The following HSPA12A variants were observed in gnomAD, a reference collection of about 807,000 sequenced individuals.
HSPA12A encodes the protein heat shock protein family A (Hsp70) member 12A.
Under a neutral mutation model 69.2 loss-of-function variants are expected in HSPA12A, and 28 were observed. The ratio of observed to expected loss-of-function variants is 0.40; its 90% CI spans 0.30 to 0.55. The LOEUF is 0.55. HSPA12A is among the 20% of genes least tolerant of loss of function. HSPA12A has a pLI of 0.38. For missense variants in HSPA12A, 686 were observed against 900.7 expected (o/e 0.76, Z 3.05); for synonymous variants, 345 against 370.5 (o/e 0.93, Z 0.79).
chr10:116,843,137 G>C (rs1250749394), intron 1 of HSPA12A, among the ~76,000 whole-genome samples: 1 of 152,136 alleles, frequency 6.6e-6, no homozygotes, highest in Non-Finnish European at 1.5e-5. Flanking sequence ...TGCCAGCTTT[G>C]AACACTCACA....
At chr10:116,815,892 G>A (rs929404942) in intron 2 of HSPA12A, among the ~76,000 whole-genome samples, 3 of 152,196 alleles carry the variant, frequency 2.0e-5, no homozygotes, top group Non-Finnish European at 4.4e-5. Flanking sequence ...CAGGGAATTC[G>A]TGTTTCTGCT....
chr10:116,796,995 G>GC (rs1186111018), intron 2 of HSPA12A, among the ~76,000 whole-genome samples: 2 of 152,118 alleles, frequency 1.3e-5, no homozygotes, highest in African/African-American at 2.4e-5. Context: ...GATTATTGCT[G>GC]CCCCCGGGAA....
chr10:116,762,843 T>G (rs1287483181), intron 2 of HSPA12A, among the ~76,000 whole-genome samples: 1 of 152,212 alleles, frequency 6.6e-6, no homozygotes, highest in East Asian at 1.9e-4. Context: ...TCCAGAGTGC[T>G]GGGATTACAG....
intron 5 of HSPA12A, among the ~76,000 whole-genome samples, chr10:116,696,760 G>A (rs543843353): frequency 6.7e-4 from 102 of 152,236 alleles, no homozygotes; most frequent in Non-Finnish European, 1.1e-3. Context: ...ACGGCATCCT[G>A]GCTTTATCCC....
chr10:116,771,068 C>T (rs1844195726), intron 2 of HSPA12A, among the ~76,000 whole-genome samples: 1 of 151,912 alleles, frequency 6.6e-6, no homozygotes, highest in South Asian at 2.1e-4. Flanking sequence ...CAAGTGTGCT[C>T]AAGGGGCCTC....
intron 2 of HSPA12A, among the ~76,000 whole-genome samples, chr10:116,805,584 C>CG (rs1215298937): frequency 3.3e-5 from 5 of 151,856 alleles, no homozygotes; most frequent in South Asian, 4.2e-4. Context: ...TGATGTTGGG[C>CG]GGGGGGGTAC....
At chr10:116,822,131 G>C (rs1437509207) in intron 2 of HSPA12A, among the ~76,000 whole-genome samples, 1 of 152,236 alleles carries the variant, frequency 6.6e-6, no homozygotes, top group African/African-American at 2.4e-5. Context: ...GACATGGGAT[G>C]TGGATAACTG....
intron 2 of HSPA12A, among the ~76,000 whole-genome samples, chr10:116,770,059 T>C (rs1190949353): frequency 1.3e-5 from 2 of 151,936 alleles, no homozygotes; most frequent in Non-Finnish European, 2.9e-5. Flanking sequence ...AAGGAGAGAG[T>C]TTGTCCTTGG....
rs1554880298 is a variant in HSPA12A, at chr10:116,692,607, C to T, written c.547-140G>A. 5 of 672,262 alleles carry T rather than the reference C, an allele frequency of 7.4e-6. No homozygotes were observed. In the African/African-American group the frequency reaches 9.0e-5, roughly 12 times the overall value. The allele number at this position is 672,262 out of a possible 1,614,324, so 41.6% of individuals were successfully genotyped here. A position where few individuals can be genotyped will look rare whatever the true frequency, so the allele number is the denominator to read the frequency against. On this transcript the variant is annotated intron_variant, in intron 5 of 11. Transcript: ENST00000369209. ...CAGGGTCCCCCAAACTTACCAGCATCAGAGAGCAAAGATCTGTTTCCTGAA... is the reference window on the plus strand; with the variant it reads ...CAGGGTCCCCCAAACTTACCAGCATTAGAGAGCAAAGATCTGTTTCCTGAA...
In HSPA12A at chr10:116,683,804, A is replaced by G. The variant is rs200396979; in HGVS notation, c.822T>C (p.Ala274=). The G allele has an allele frequency of 1.3e-6, 2 of 1,563,346 alleles. No individual in the cohort carries two copies. Among genetic ancestry groups the G allele is most frequent in the Non-Finnish European group, 8.8e-7 (1 of 1,141,602 alleles). Residue 274 remains alanine (A), a synonymous_variant, in exon 7 of 12, where the codon GCT becomes GCC. Coordinates refer to ENST00000369209, the MANE Select transcript of HSPA12A (RefSeq NM_025015.3). ...NGYSGSDTVG[A]GFTQAKEHIR... ...GAGCAGAGGTACCCTGTGTAAACCC[A>G]GCTCCTACTGTGTCACTGCCGCTGT...
At chr10:116,719,324 T>G (rs1850703413) in intron 1 of HSPA12A, among the ~76,000 whole-genome samples, 1 of 152,106 alleles carries the variant, frequency 6.6e-6, no homozygotes. Flanking sequence ...GCCTTTTAAG[T>G]GAGTACCCTG....
At position 116,777,558 on chromosome 10, in the gene HSPA12A, T is replaced by G. The variant is rs1225414728; in HGVS notation, c.91+57377A>C. 1.1e-4 allele frequency among the ~76,000 whole-genome samples: 16 copies of G among 152,218 alleles called. No individual in the cohort carries two copies. In the East Asian group the frequency reaches 2.3e-3, roughly 22 times the overall value. ...GGGACATGTGTGGACTTCCCAGGTG[T>G]ACATATCCCCACCATGGCTGATTTT... On this transcript the variant is annotated intron_variant, in intron 2 of 12. Coordinates refer to the HSPA12A transcript ENST00000635765.
intron 1 of HSPA12A, among the ~76,000 whole-genome samples, chr10:116,712,210 A>C (rs1850456691): frequency 6.6e-6 from 1 of 152,196 alleles, no homozygotes; most frequent in African/African-American, 2.4e-5. Flanking sequence ...AATCTTTTTT[A>C]ACTTTAGTGA....
chr10:116,850,208 C>CAGTTAATA (rs1329676217), upstream of HSPA12A: 2 of 226,794 alleles, frequency 8.8e-6, no homozygotes, highest in African/African-American at 4.7e-5. Context: ...ATCCTACTGG[C>CAGTTAATA]TCCTCTGCCG....
At chr10:116,712,313 G>T (rs1850459552) in intron 1 of HSPA12A, among the ~76,000 whole-genome samples, 1 of 152,130 alleles carries the variant, frequency 6.6e-6, no homozygotes, top group African/African-American at 2.4e-5. Flanking sequence ...GCCAGAAAGA[G>T]GGGTATATAA....
chr10:116,839,057 ACAGT>A (rs1314569045), intron 1 of HSPA12A, among the ~76,000 whole-genome samples: 1 of 152,374 alleles, frequency 6.6e-6, no homozygotes, highest in African/African-American at 2.4e-5. Flanking sequence ...TAAAAAGCTA[ACAGT>A]CAGGCTAGCG....
chr10:116,840,347 C>A (rs1282542793), intron 1 of HSPA12A, among the ~76,000 whole-genome samples: 2 of 152,150 alleles, frequency 1.3e-5, no homozygotes, highest in Non-Finnish European at 2.9e-5. Context: ...GGAAAACATT[C>A]ATTCTAAAGC....
intron 2 of HSPA12A, among the ~76,000 whole-genome samples, chr10:116,790,937 C>T (rs977661381): frequency 6.6e-6 from 1 of 152,162 alleles, no homozygotes; most frequent in African/African-American, 2.4e-5. Flanking sequence ...GTGATCCGCC[C>T]GCCTTGGCCT....
rs1001820447 is a variant in HSPA12A, at chr10:116,686,291, G to A, written c.664-2329C>T. ...AAGAAATCCCAAATAAGACCAAGAG[G>A]GGCCCCTTCCGAGGGACAGCTCCTG... is the stretch of plus-strand genomic sequence containing the variant. On this transcript the variant is annotated intron_variant, in intron 6 of 11. Coordinates refer to ENST00000369209, the MANE Select transcript of HSPA12A (RefSeq NM_025015.3). The surrounding 1 kb of genome is among the most constrained non-coding windows in gnomAD (Gnocchi z 4.1). 2.6e-5 allele frequency among the ~76,000 whole-genome samples: 4 copies of A among 152,144 alleles called. No individual in the cohort carries two copies. Among genetic ancestry groups the A allele is most frequent in the Non-Finnish European group, 5.9e-5 (4 of 68,038 alleles).
Sources: allele counts gnomAD v4.1 joint callset (sites outside exome capture counted in the v4.1 genomes callset), GRCh38; gene constraint gnomAD v4.1.1; non-coding constraint Gnocchi (gnomAD v3.1); transcripts MANE v1.5; gene names NCBI Gene and HGNC (gene_info 2026-07-23, HGNC 2026-07-21).